Variants in IL1R2 observed in about 807,000 individuals in gnomAD.
The protein encoded by IL1R2 is interleukin-1 receptor type 2.
A neutral mutation model predicts 39.5 loss-of-function variants in IL1R2; 46 were observed. The observed-to-expected ratio is 1.16, with a 90% confidence interval of 0.92 to 1.49. The LOEUF is 1.49. Among genes scored for constraint, IL1R2 ranks in the 40% most tolerant of loss-of-function variants. The pLI is 0.00. For synonymous variants in IL1R2, 207 were observed against 189.6 expected, an observed-to-expected ratio of 1.09 and a Z score of -0.75; for missense variants, 537 against 502.0, an observed-to-expected ratio of 1.07 and a Z score of -0.67.
chr2:102,024,499 C>T (rs1486836088), intron 6 of IL1R2, 34 bp from the exon 7 acceptor site: 2 of 1,543,026 alleles, frequency 1.3e-6, no homozygotes, highest in Non-Finnish European at 9.0e-7. Context: ...GGTGCTGGTT[C>T]TGCAGTTGAC....
At chr2:102,027,399 T>G (rs2150466511) in intron 8 of IL1R2, among the ~76,000 whole-genome samples, 1 of 152,252 alleles carries the variant, frequency 6.6e-6, no homozygotes, top group South Asian at 2.1e-4. Context: ...CTTTAAAATT[T>G]TCCATAACAT....
intron 1 of IL1R2, among the ~76,000 whole-genome samples, chr2:102,005,227 G>A (rs984407528): frequency 6.6e-6 from 1 of 152,214 alleles, no homozygotes; most frequent in South Asian, 2.1e-4. Flanking sequence ...CTGAGAGAAT[G>A]TGAGCATGGT....
At chr2:102,013,554 G>GAAAAAAAAAAAAAA (rs1577711343) in intron 3 of IL1R2, among the ~76,000 whole-genome samples, 10 of 31,644 alleles carry the variant, frequency 3.2e-4, no homozygotes, top group Middle Eastern at 0.036. Flanking sequence ...AAAAAAAAAG[G>GAAAAAAAAAAAAAA]AAAGAAAGAA....
chr2:102,022,289 G>C, intron 6 of IL1R2, 40 bp downstream of exon 6: 1 of 1,548,692 alleles, frequency 6.5e-7, no homozygotes, highest in Non-Finnish European at 8.9e-7. Context: ...GCACCTGTGG[G>C]GGTGCCTGGT....
At chr2:102,015,807 A>G (rs1577716192) in intron 3 of IL1R2, 64 bp from the exon 4 acceptor site, 2 of 1,299,300 alleles carry the variant, frequency 1.5e-6, no homozygotes, top group East Asian at 4.6e-5. Flanking sequence ...AATGATGCTT[A>G]ATTTCATTTA....
chr2:102,015,578 A>G (rs559110420), intron 3 of IL1R2, among the ~76,000 whole-genome samples: 50 of 152,356 alleles, frequency 3.3e-4, no homozygotes, highest in African/African-American at 1.2e-3. Flanking sequence ...ATTAGCCTAC[A>G]GCTGGGCAAA....
chr2:102,028,099 A>G, intron 8 of IL1R2, 127 bp from the exon 9 acceptor site: 2 of 747,704 alleles, frequency 2.7e-6, no homozygotes, highest in East Asian at 2.8e-5. Context: ...GCTTTCTGAA[A>G]ATCAATGCAC....
chr2:101,993,046 C>G (rs76982914), intron 1 of IL1R2, among the ~76,000 whole-genome samples: 4 of 152,140 alleles, frequency 2.6e-5, no homozygotes, highest in African/African-American at 9.7e-5. Flanking sequence ...CACAAGATAG[C>G]GGACCACTGA....
intron 8 of IL1R2, among the ~76,000 whole-genome samples, chr2:102,027,506 C>T (rs1677810911): frequency 6.6e-6 from 1 of 152,130 alleles, no homozygotes; most frequent in Non-Finnish European, 1.5e-5. Context: ...AACAGCTGCC[C>T]AGAATATTAC....
intron 1 of IL1R2, among the ~76,000 whole-genome samples, chr2:101,992,817 A>C (rs765565283): frequency 3.3e-5 from 5 of 152,138 alleles, no homozygotes; most frequent in Non-Finnish European, 7.4e-5. Context: ...TTTCTGGTGG[A>C]GGCTCAGGCG....
At chr2:102,023,301 G>A (rs1341654362) in intron 6 of IL1R2, 1 of 152,290 alleles carries the variant, frequency 6.6e-6, no homozygotes, top group Non-Finnish European at 1.5e-5. Flanking sequence ...CAGTCCCCAT[G>A]GCTGCAGCTC....
At chr2:102,005,496 G>A (rs2150428011) in intron 1 of IL1R2, among the ~76,000 whole-genome samples, 1 of 152,292 alleles carries the variant, frequency 6.6e-6, no homozygotes, top group Middle Eastern at 3.4e-3. Flanking sequence ...GGTAGTCCAG[G>A]GTGGTGGGCG....
chr2:102,016,070 C>T lies in IL1R2; in HGVS notation c.513+19C>T, dbSNP rs775388812. ...GTACAAGGTACGGCTTTAAAAAATG[C>T]CATTTTACTAAAATGTGTTTTCTTT... On this transcript the variant is annotated intron_variant, in intron 4 of 8. Transcript: ENST00000332549. 2.5e-6 allele frequency: 4 copies of T among 1,573,114 alleles called. No homozygotes were observed. In the South Asian group the frequency reaches 3.5e-5, roughly 14 times the overall value.
chr2:101,996,952 G>A (rs544074618), intron 1 of IL1R2, among the ~76,000 whole-genome samples: 3 of 152,104 alleles, frequency 2.0e-5, no homozygotes, highest in African/African-American at 4.8e-5. Context: ...TGTCTGAGTC[G>A]GCTCAAATCT....
At chr2:101,997,433 G>A (rs35252180) in intron 1 of IL1R2, among the ~76,000 whole-genome samples, 33,960 of 152,126 alleles carry the variant, frequency 0.22, 4,712 homozygotes, top group Non-Finnish European at 0.27. Context: ...GAAGAGCTCC[G>A]AGGAGCACCA....
Position 102,023,857 on chromosome 2 carries a change from C to T in IL1R2, c.752-676C>T, listed in dbSNP as rs1677547232. Among the ~76,000 whole-genome samples, 4 of 151,708 alleles carry T rather than the reference C, an allele frequency of 2.6e-5. No individual in the cohort carries two copies. The South Asian group carries it at 8.4e-4, about 32-fold the overall frequency. On this transcript the variant is annotated intron_variant, in intron 6 of 8. Transcript: ENST00000332549. ...GGTTAGGAGATCGAGACCATCCTGG[C>T]TAACACGGTGAAACCCCATCTCTAC... is the stretch of plus-strand genomic sequence containing the variant.
chr2:102,021,508 G>C (rs1368039270), intron 5 of IL1R2, among the ~76,000 whole-genome samples: 1 of 152,018 alleles, frequency 6.6e-6, no homozygotes, highest in Non-Finnish European at 1.5e-5. Flanking sequence ...TAGAGACAGG[G>C]GTTCACCATG....
At chr2:101,998,013 G>A (rs1027697390) in intron 1 of IL1R2, among the ~76,000 whole-genome samples, 1 of 152,156 alleles carries the variant, frequency 6.6e-6, no homozygotes, top group African/African-American at 2.4e-5. Context: ...GGAGGCCTTT[G>A]CTCTCTCCCT....
chr2:102,016,881 A>G lies in IL1R2; in HGVS notation c.513+830A>G, dbSNP rs527256419. Among the ~76,000 whole-genome samples the G allele has an allele frequency of 3.9e-5, 6 of 152,314 alleles. No homozygotes were observed. In the East Asian group the frequency reaches 1.2e-3, roughly 29 times the overall value. ...AATGTTTGCTGAAACCAATCCCCCA[A>G]AGAAACTGAGGGATGACTGTATTTT... On this transcript the variant is annotated intron_variant, in intron 4 of 8. Transcript: ENST00000332549.
Sources: allele counts gnomAD v4.1 joint callset (sites outside exome capture counted in the v4.1 genomes callset), GRCh38; gene constraint gnomAD v4.1.1; transcripts MANE v1.5; gene names NCBI Gene and HGNC (gene_info 2026-07-23, HGNC 2026-07-21).